TTC39B: variants seen among roughly 807,000 people sequenced by gnomAD.
The protein encoded by TTC39B is tetratricopeptide repeat protein 39B.
Under a neutral mutation model 96.6 loss-of-function variants are expected in TTC39B, and 92 were observed. The observed-to-expected ratio is 0.95, with a 90% CI of 0.80 to 1.13. The LOEUF (loss-of-function observed/expected upper bound fraction) is 1.13, where lower values mean the gene tolerates loss of function less well. Ranked by LOEUF, TTC39B falls within the 50% of genes most tolerant of loss-of-function variation. TTC39B has a pLI of 0.00. For synonymous variants in TTC39B, 367 were observed against 299.4 expected (o/e 1.23, Z -2.33); for missense variants, 955 against 809.3 (o/e 1.18, Z -2.18).
chr9:15,231,493 G>A (rs1821419299), intron 2 of TTC39B, among the ~76,000 whole-genome samples: 1 of 152,264 alleles, frequency 6.6e-6, no homozygotes, highest in African/African-American at 2.4e-5. Flanking sequence ...CCAATTGTAT[G>A]TCTTCTTTGG....
chr9:15,231,069 C>T (rs1469662384), intron 2 of TTC39B, among the ~76,000 whole-genome samples: 8 of 151,780 alleles, frequency 5.3e-5, no homozygotes, highest in African/African-American at 1.9e-4. Flanking sequence ...CTATGGAATG[C>T]TAAATTATGG....
intron 6 of TTC39B, among the ~76,000 whole-genome samples, chr9:15,209,245 G>A (rs1334339627): frequency 3.3e-5 from 5 of 151,966 alleles, no homozygotes; most frequent in African/African-American, 1.2e-4. Context: ...TGAAAAGACA[G>A]AACTGATCAT....
At chr9:15,194,165 T>C (rs1819018235) in intron 8 of TTC39B, among the ~76,000 whole-genome samples, 3 of 152,208 alleles carry the variant, frequency 2.0e-5, no homozygotes. Context: ...GGAAATTTTT[T>C]GTAATAATTT....
intron 2 of TTC39B, among the ~76,000 whole-genome samples, chr9:15,261,368 T>C (rs948390097): frequency 1.3e-4 from 20 of 151,886 alleles, no homozygotes; most frequent in Non-Finnish European, 2.4e-4. Flanking sequence ...CCCAGCTACT[T>C]GGGAGGCTAG....
At chr9:15,276,706 C>T (rs570931212) in intron 1 of TTC39B, among the ~76,000 whole-genome samples, 3 of 152,302 alleles carry the variant, frequency 2.0e-5, no homozygotes, top group African/African-American at 7.2e-5. Flanking sequence ...GGAGGTTAGA[C>T]CTGTCTGGGA....
intron 2 of TTC39B, among the ~76,000 whole-genome samples, chr9:15,228,119 A>G (rs1328670802): frequency 6.6e-6 from 1 of 152,130 alleles, no homozygotes; most frequent in Non-Finnish European, 1.5e-5. Flanking sequence ...AACACACTAG[A>G]TATAAACATA....
rs10738390 is a variant in TTC39B at position 15,186,791 on chromosome 9, G to T, written c.1487+153C>A. ...CTCACTTGCAACCTCCACCTCCCAGGCTTAAGCAATCCTCCCACCTAAGCT... is the reference window on the plus strand; with the variant it reads ...CTCACTTGCAACCTCCACCTCCCAGTCTTAAGCAATCCTCCCACCTAAGCT... On this transcript the variant is annotated intron_variant, in intron 15 of 19. Transcript: ENST00000512701. 91 of 675,252 alleles carry T rather than the reference G, an allele frequency of 1.3e-4. No individual in the cohort carries two copies. The African/African-American group carries it at 1.5e-3, about 11-fold the overall frequency. 41.8% of individuals were successfully genotyped at this position (675,252 alleles called of 1,614,324 possible).
chr9:15,287,597 T>A (rs1328511093), intron 1 of TTC39B, among the ~76,000 whole-genome samples: 1 of 152,094 alleles, frequency 6.6e-6, no homozygotes, highest in African/African-American at 2.4e-5. Context: ...TGGACTTGCA[T>A]ATATCAAACA....
chr9:15,211,661 G>A (rs1820208598), intron 4 of TTC39B, among the ~76,000 whole-genome samples: 1 of 152,220 alleles, frequency 6.6e-6, no homozygotes, highest in African/African-American at 2.4e-5. Context: ...AGGGCAGCCT[G>A]CAGGCAGATT....
At chr9:15,191,832 G>C (rs539452243) in intron 9 of TTC39B, among the ~76,000 whole-genome samples, 1 of 152,186 alleles carries the variant, frequency 6.6e-6, no homozygotes, top group Non-Finnish European at 1.5e-5. Flanking sequence ...AAGGGCAGGG[G>C]CTTAGAAGGA....
At chr9:15,237,655 GAAA>G (rs35743064) in intron 2 of TTC39B, among the ~76,000 whole-genome samples, 2 of 138,868 alleles carry the variant, frequency 1.4e-5, no homozygotes, top group Admixed American at 7.3e-5. Flanking sequence ...AAATCTTCTG[GAAA>G]AAAAAAAAAA....
At chr9:15,182,354 T>C (rs758971815) in exon 17 of TTC39B, 1 of 1,612,498 alleles carries the variant, frequency 6.2e-7, no homozygotes, top group South Asian at 1.1e-5. Flanking sequence ...TACTAACAGA[T>C]TTTCAGAAAG....
intron 1 of TTC39B, among the ~76,000 whole-genome samples, chr9:15,268,850 A>G (rs1823233010): frequency 6.6e-6 from 1 of 152,206 alleles, no homozygotes; most frequent in Non-Finnish European, 1.5e-5. Flanking sequence ...TTTTTGAATA[A>G]GCATACACCA....
intron 2 of TTC39B, among the ~76,000 whole-genome samples, chr9:15,265,356 C>G (rs1823093411): frequency 1.3e-5 from 2 of 152,182 alleles, no homozygotes; most frequent in African/African-American, 4.8e-5. Flanking sequence ...GACCCGTCCT[C>G]CTCTGTGAGG....
At chr9:15,304,285 T>C (rs1299372092) in intron 1 of TTC39B, among the ~76,000 whole-genome samples, 1 of 152,206 alleles carries the variant, frequency 6.6e-6, no homozygotes, top group African/African-American at 2.4e-5. Context: ...CATGAATCCA[T>C]TATCAATGTT....
intron 1 of TTC39B, among the ~76,000 whole-genome samples, chr9:15,271,569 ACT>A (rs1308325415): frequency 6.6e-6 from 1 of 150,744 alleles, no homozygotes; most frequent in Non-Finnish European, 1.5e-5. Flanking sequence ...CTCTCCTGAG[ACT>A]CTCACGCCAC....
intron 1 of TTC39B, among the ~76,000 whole-genome samples, chr9:15,285,636 C>T (rs1172649419): frequency 6.6e-6 from 1 of 152,130 alleles, no homozygotes; most frequent in Non-Finnish European, 1.5e-5. Context: ...GGGCGGATCA[C>T]GAGGTCAGGA....
At chr9:15,175,881 A>C (rs978536191) in intron 18 of TTC39B, among the ~76,000 whole-genome samples, 3 of 152,200 alleles carry the variant, frequency 2.0e-5, no homozygotes, top group Non-Finnish European at 4.4e-5. Flanking sequence ...TAAAGCTGGG[A>C]TCCTTACAGG....
In TTC39B at chr9:15,306,924, C is replaced by T. The variant is rs1824770822; in HGVS notation, c.240+160G>A. On this transcript the variant is annotated intron_variant, in intron 1 of 19. Coordinates refer to ENST00000512701, the Ensembl canonical transcript of TTC39B. This position sits in a 1 kb window ranked among gnomAD's most constrained non-coding sequence, Gnocchi z 5.1. ...CCCTCCTAGCTCCAGCGGGGACAGA[C>T]CTACCAAGGCCGGGCGCCCCCACCC... 6.6e-6 allele frequency among the ~76,000 whole-genome samples: 1 copy of T among 152,030 alleles called. No homozygotes were observed. Among genetic ancestry groups the T allele is most frequent in the Non-Finnish European group, 1.5e-5 (1 of 67,976 alleles).
Sources: gnomAD v4.1 joint callset for allele counts (sites outside exome capture counted in the v4.1 genomes callset) on GRCh38, gnomAD v4.1.1 for gene constraint, Gnocchi (gnomAD v3.1) non-coding constraint, MANE v1.5 for transcripts, NCBI Gene and HGNC (gene_info 2026-07-23, HGNC 2026-07-21) for gene names.